Variants in AFF3 observed in about 807,000 individuals in gnomAD.
The protein encoded by AFF3 is ALF transcription elongation factor 3.
A neutral mutation model predicts 129.7 loss-of-function variants in AFF3; 32 were observed. That is an observed-to-expected ratio of 0.25 (90% confidence interval 0.19 to 0.33). The LOEUF is 0.33. Among genes scored for constraint, AFF3 ranks in the 10% least tolerant of loss-of-function variants. The pLI is 1.00. For missense variants in AFF3, 1,373 were observed against 1,592.0 expected (o/e 0.86, Z 2.34); for synonymous variants, 644 against 635.4 (o/e 1.01, Z -0.20).
intron 8 of AFF3, among the ~76,000 whole-genome samples, chr2:99,760,317 A>G (rs1356020906): frequency 2.0e-5 from 3 of 152,196 alleles, no homozygotes; most frequent in African/African-American, 7.2e-5. Flanking sequence ...ATTTAAAGAG[A>G]TTATTATTAT....
chr2:99,773,987 T>C (rs933880188), intron 8 of AFF3, among the ~76,000 whole-genome samples: 1 of 152,060 alleles, frequency 6.6e-6, no homozygotes, highest in Admixed American at 6.6e-5. Context: ...CATTCACAAC[T>C]GCCACAAAGA....
chr2:99,916,202 ACT>A (rs1222086359), intron 7 of AFF3, among the ~76,000 whole-genome samples: 1 of 151,652 alleles, frequency 6.6e-6, no homozygotes, highest in Non-Finnish European at 1.5e-5. Context: ...TGCCTGGGAC[ACT>A]CTTCCCTTCT....
intron 7 of AFF3, among the ~76,000 whole-genome samples, chr2:99,985,007 A>G (rs991615414): frequency 6.6e-6 from 1 of 152,016 alleles, no homozygotes; most frequent in African/African-American, 2.4e-5. Context: ...CATCAGGAGG[A>G]AAAAAAATGG....
intron 4 of AFF3, among the ~76,000 whole-genome samples, chr2:100,062,195 C>T (rs943334756): frequency 6.6e-6 from 1 of 152,120 alleles, no homozygotes; most frequent in Admixed American, 6.5e-5. Flanking sequence ...AAGCTGCGAG[C>T]AATGTGGGAG....
At chr2:100,058,198 C>T (rs555015243) in intron 4 of AFF3, among the ~76,000 whole-genome samples, 2 of 152,278 alleles carry the variant, frequency 1.3e-5, no homozygotes, top group South Asian at 4.1e-4. Context: ...ATGGATTCTT[C>T]TCAACAATTT....
At chr2:99,768,772 C>T (rs1016426344) in intron 8 of AFF3, among the ~76,000 whole-genome samples, 1 of 152,186 alleles carries the variant, frequency 6.6e-6, no homozygotes, top group African/African-American at 2.4e-5. Context: ...ATACACTATT[C>T]TGGGGTAAAA....
At chr2:99,590,717 G>A (rs1401801087) in intron 15 of AFF3, among the ~76,000 whole-genome samples, 2 of 152,190 alleles carry the variant, frequency 1.3e-5, no homozygotes, top group African/African-American at 2.4e-5. Context: ...TGCTGGCCAC[G>A]TGCAGTGGCT....
chr2:99,868,093 T>C (rs965970863), intron 7 of AFF3, among the ~76,000 whole-genome samples: 3 of 151,440 alleles, frequency 2.0e-5, no homozygotes, highest in Admixed American at 1.3e-4. Flanking sequence ...ACAGATGGGA[T>C]CTACCAGATC....
At chr2:99,766,335 T>C (rs1250698739) in intron 8 of AFF3, among the ~76,000 whole-genome samples, 1 of 152,224 alleles carries the variant, frequency 6.6e-6, no homozygotes, top group Non-Finnish European at 1.5e-5. Flanking sequence ...ACTAACTTTA[T>C]GCAAGTATTT....
intron 18 of AFF3, chr2:99,572,734 T>A (rs1295361006): frequency 4.6e-6 from 2 of 432,140 alleles, no homozygotes; most frequent in South Asian, 1.6e-5. Context: ...GGAGAATGCA[T>A]AAGAAATTAA....
intron 13 of AFF3, among the ~76,000 whole-genome samples, chr2:99,625,703 G>A (rs1310751308): frequency 6.6e-6 from 1 of 152,158 alleles, no homozygotes; most frequent in Non-Finnish European, 1.5e-5. Flanking sequence ...GGTTGCCAAA[G>A]CTATTTAAAA....
intron 11 of AFF3, among the ~76,000 whole-genome samples, chr2:99,711,241 G>A (rs957223494): frequency 2.0e-5 from 3 of 152,264 alleles, no homozygotes; most frequent in African/African-American, 7.2e-5. Flanking sequence ...AGAGGATCTG[G>A]AGCAGGCGGA....
intron 7 of AFF3, among the ~76,000 whole-genome samples, chr2:99,901,306 G>A (rs940961328): frequency 2.0e-5 from 3 of 152,144 alleles, no homozygotes; most frequent in African/African-American, 7.2e-5. Context: ...TCTACATGTG[G>A]ATTATTTAGT....
At chr2:99,856,529 G>A (rs992181446) in intron 7 of AFF3, among the ~76,000 whole-genome samples, 3 of 152,104 alleles carry the variant, frequency 2.0e-5, no homozygotes, top group African/African-American at 7.2e-5. Flanking sequence ...TTTAAAAAGA[G>A]TACAGATAAC....
At chr2:99,588,586 T>C (rs949231356) in intron 15 of AFF3, among the ~76,000 whole-genome samples, 2 of 152,202 alleles carry the variant, frequency 1.3e-5, no homozygotes, top group Non-Finnish European at 2.9e-5. Flanking sequence ...CTGTCTGCAT[T>C]GTTTTCCAGG....
intron 13 of AFF3, among the ~76,000 whole-genome samples, chr2:99,646,297 A>C (rs1030967610): frequency 3.3e-5 from 5 of 152,228 alleles, no homozygotes; most frequent in Admixed American, 6.5e-5. Flanking sequence ...AAGGAGGATA[A>C]GACCCAGAGT....
chr2:99,554,667 G>A lies in AFF3; in HGVS notation c.3335+16C>T, dbSNP rs1345599335. 1 of 1,614,028 alleles carries A rather than the reference G, an allele frequency of 6.2e-7. No homozygotes were observed. The highest frequency in any genetic ancestry group is 8.5e-7 in the Non-Finnish European group (1 of 1,180,020). ...TTGTCTGGCTTACGGCATTGACTTT[G>A]GAAAAGCGAACTTACTTTCCACTGG... is the stretch of plus-strand genomic sequence containing the variant. On this transcript the variant is annotated intron_variant, in intron 23 of 24. Coordinates refer to ENST00000672756, the MANE Select transcript of AFF3 (RefSeq NM_001386135.1).
intron 4 of AFF3, among the ~76,000 whole-genome samples, chr2:100,032,544 T>C (rs1235393616): frequency 1.3e-5 from 2 of 152,162 alleles, no homozygotes; most frequent in Non-Finnish European, 2.9e-5. Flanking sequence ...ATTCAATGAA[T>C]TGTGTACCTC....
intron 11 of AFF3, among the ~76,000 whole-genome samples, chr2:99,713,319 A>G (rs1327716939): frequency 6.9e-6 from 1 of 145,264 alleles, no homozygotes; most frequent in African/African-American, 2.6e-5. Context: ...GCTAGGCTGC[A>G]GTGCAGTGGC....
Sources: allele counts gnomAD v4.1 joint callset (sites outside exome capture counted in the v4.1 genomes callset), GRCh38; gene constraint gnomAD v4.1.1; transcripts MANE v1.5; gene names NCBI Gene and HGNC (gene_info 2026-07-23, HGNC 2026-07-21).